The following NFIB variants were observed in gnomAD, a reference collection of about 807,000 sequenced individuals.
NFIB encodes the protein nuclear factor 1 B-type.
Under a neutral mutation model 61.5 loss-of-function variants are expected in NFIB, and 11 were observed. The ratio of observed to expected loss-of-function variants is 0.18; its 90% CI spans 0.11 to 0.30. NFIB has a LOEUF of 0.30. Ranked by LOEUF, NFIB falls within the 10% of genes least tolerant of loss-of-function variation. The pLI is 1.00. For synonymous variants in NFIB, 260 were observed against 216.5 expected (o/e 1.20, Z -1.76); for missense variants, 471 against 608.9 (o/e 0.77, Z 2.38).
intron 1 of NFIB, chr9:14,398,480 T>C: frequency 7.2e-7 from 1 of 1,390,826 alleles, no homozygotes; most frequent in Non-Finnish European, 9.8e-7. Context: ...AGTTGGGACC[T>C]ATTTGAAAGA....
At chr9:14,196,443 G>T (rs1227127929) in intron 2 of NFIB, among the ~76,000 whole-genome samples, 1 of 152,078 alleles carries the variant, frequency 6.6e-6, no homozygotes, top group Admixed American at 6.6e-5. Context: ...GTTTGCGGAA[G>T]GGGGTTCCTG....
At chr9:14,316,546 TTTC>T (rs1588296439), upstream of NFIB, among the ~76,000 whole-genome samples, 1 of 152,244 alleles carries the variant, frequency 6.6e-6, no homozygotes, top group Non-Finnish European at 1.5e-5. Context: ...GTGCGGGTCA[TTTC>T]TTCTTTTTGA....
In NFIB at chr9:14,341,304, C is replaced by G. The variant is rs529482349; in HGVS notation, c.109-33784G>C. ...GTGGACTGCCCATGGGTACCTGGTG[C>G]GTGGGAGTTGAAATCTGCAATGAGA... On this transcript the variant is annotated intron_variant, in intron 1 of 8. Transcript: ENST00000380934. Among the ~76,000 whole-genome samples the G allele has an allele frequency of 1.4e-4, 21 of 152,032 alleles. 1 individual carries two copies. Among genetic ancestry groups the G allele is most frequent in the African/African-American group, 5.1e-4 (21 of 41,398 alleles).
intron 10 of NFIB, chr9:14,094,525 G>A (rs970709208): frequency 3.9e-5 from 6 of 152,156 alleles, no homozygotes; most frequent in Non-Finnish European, 5.9e-5. Context: ...TATTTTCACC[G>A]TTTTTAGGGA....
At chr9:14,092,012 A>C (rs146107474) in intron 10 of NFIB, among the ~76,000 whole-genome samples, 1 of 152,216 alleles carries the variant, frequency 6.6e-6, no homozygotes, top group East Asian at 1.9e-4. Flanking sequence ...GCTCCCCCCA[A>C]AAGGGAAGAA....
intron 4 of NFIB, among the ~76,000 whole-genome samples, chr9:14,151,868 C>T (rs1003963366): frequency 5.3e-5 from 8 of 152,084 alleles, no homozygotes; most frequent in East Asian, 3.9e-4. Context: ...TCTAAGCATA[C>T]GTGGTCTACT....
chr9:14,316,008 C>T (rs1445829212), upstream of NFIB, among the ~76,000 whole-genome samples: 1 of 152,048 alleles, frequency 6.6e-6, no homozygotes, highest in Non-Finnish European at 1.5e-5. Flanking sequence ...CACCGCTTCC[C>T]AGCTCGTGAT....
the NFIB span, among the ~76,000 whole-genome samples, chr9:14,512,562 CTTAACA>C: frequency 6.6e-6 from 1 of 151,934 alleles, no homozygotes; most frequent in Non-Finnish European, 1.5e-5. Context: ...TAATAGAAGT[CTTAACA>C]TTAACCCAAT....
chr9:14,437,913 G>C, the NFIB span, among the ~76,000 whole-genome samples: 1 of 152,230 alleles, frequency 6.6e-6, no homozygotes, highest in Non-Finnish European at 1.5e-5. Context: ...GACAAAGACA[G>C]GTTGGGAACC....
chr9:14,472,732 T>TA, the NFIB span, among the ~76,000 whole-genome samples: 1 of 151,776 alleles, frequency 6.6e-6, no homozygotes, highest in African/African-American at 2.4e-5. Flanking sequence ...TCCCAGCTAC[T>TA]CGGGAGGCTG....
At chr9:14,189,209 T>G (rs1156859953) in intron 2 of NFIB, among the ~76,000 whole-genome samples, 2 of 152,198 alleles carry the variant, frequency 1.3e-5, no homozygotes, top group Non-Finnish European at 2.9e-5. Context: ...TCATGTATTT[T>G]CCCAACACTT....
intron 1 of NFIB, among the ~76,000 whole-genome samples, chr9:14,390,928 A>G (rs2061612000): frequency 6.6e-6 from 1 of 152,246 alleles, no homozygotes; most frequent in Non-Finnish European, 1.5e-5. Flanking sequence ...TTGGATTATA[A>G]CCAAAAGTGA....
the NFIB span, among the ~76,000 whole-genome samples, chr9:14,429,200 G>A: frequency 2.0e-5 from 3 of 152,154 alleles, no homozygotes; most frequent in Non-Finnish European, 4.4e-5. Flanking sequence ...TCCGTACAAA[G>A]AACATAGAAC....
At chr9:14,378,648 C>G (rs917790036) in intron 1 of NFIB, among the ~76,000 whole-genome samples, 3 of 152,252 alleles carry the variant, frequency 2.0e-5, no homozygotes, top group Admixed American at 6.5e-5. Context: ...AGCCACCACA[C>G]CCAGCCCCAA....
At chr9:14,519,228 T>C in the NFIB span, among the ~76,000 whole-genome samples, 1 of 152,120 alleles carries the variant, frequency 6.6e-6, no homozygotes, top group Non-Finnish European at 1.5e-5. Context: ...ACAAGTCTGA[T>C]GGTATCGGTG....
chr9:14,452,218 T>A, the NFIB span, among the ~76,000 whole-genome samples: 2 of 151,906 alleles, frequency 1.3e-5, no homozygotes, highest in African/African-American at 4.8e-5. Flanking sequence ...CACGGAGGGG[T>A]GGTACAGTTA....
chr9:14,484,858 G>A, the NFIB span, among the ~76,000 whole-genome samples: 3 of 152,196 alleles, frequency 2.0e-5, no homozygotes, highest in Non-Finnish European at 4.4e-5. Flanking sequence ...AGACTGGGGG[G>A]CTGAAACAAC....
chr9:14,249,170 C>T (rs892099177), intron 2 of NFIB, among the ~76,000 whole-genome samples: 6 of 152,112 alleles, frequency 3.9e-5, no homozygotes, highest in Non-Finnish European at 7.3e-5. Context: ...TCTCACTGTA[C>T]GTCAACTAAA....
intron 2 of NFIB, among the ~76,000 whole-genome samples, chr9:14,237,005 G>A (rs868753737): frequency 1.3e-5 from 2 of 151,752 alleles, no homozygotes; most frequent in Non-Finnish European, 2.9e-5. Flanking sequence ...AGTGGCAAAC[G>A]CCAACATTAT....
Sources: allele counts gnomAD v4.1 joint callset (sites outside exome capture counted in the v4.1 genomes callset), GRCh38; gene constraint gnomAD v4.1.1; transcripts MANE v1.5; gene names NCBI Gene and HGNC (gene_info 2026-07-23, HGNC 2026-07-21).